Variants in CCDC6 observed in about 807,000 individuals in gnomAD.
The protein encoded by CCDC6 is coiled-coil domain containing 6.
CCDC6 carries 20 observed loss-of-function variants against 56.6 expected under a neutral mutation model. That is an observed-to-expected ratio of 0.35 (90% CI 0.25 to 0.51). CCDC6 has a LOEUF of 0.51. Ranked by LOEUF, CCDC6 falls within the 20% of genes least tolerant of loss-of-function variation. The pLI is 0.95. For missense variants in CCDC6, 367 were observed against 601.1 expected (o/e 0.61, Z 4.07); for synonymous variants, 241 against 234.4 (o/e 1.03, Z -0.26).
chr10:59,841,479 CAG>C (rs1415831429), intron 2 of CCDC6, among the ~76,000 whole-genome samples: 1 of 152,122 alleles, frequency 6.6e-6, no homozygotes, highest in East Asian at 1.9e-4. Context: ...TATGAGAAAA[CAG>C]AATTCTAATC....
At chr10:59,840,014 C>G (rs775675416) in intron 2 of CCDC6, among the ~76,000 whole-genome samples, 55 of 152,178 alleles carry the variant, frequency 3.6e-4, no homozygotes, top group South Asian at 3.1e-3. Flanking sequence ...TTAGTAGACA[C>G]GGGGTTTCAC....
At chr10:59,812,456 T>C (rs1266374628) in intron 5 of CCDC6, among the ~76,000 whole-genome samples, 179 bp downstream of exon 5, 1 of 130,354 alleles carries the variant, frequency 7.7e-6, no homozygotes, top group South Asian at 2.6e-4. Context: ...TCCCCTACTA[T>C]AACACTCAAA....
intron 6 of CCDC6, chr10:59,805,621 T>C (rs2070615082): frequency 1.3e-5 from 2 of 152,244 alleles, no homozygotes; most frequent in African/African-American, 4.8e-5. Flanking sequence ...GTATTCTAGC[T>C]GGCAGTTTTA....
At chr10:59,878,307 A>T (rs2071301778) in intron 1 of CCDC6, among the ~76,000 whole-genome samples, 3 of 152,194 alleles carry the variant, frequency 2.0e-5, no homozygotes, top group Admixed American at 6.5e-5. Flanking sequence ...TGACAGCAAA[A>T]TGTCTGCATT....
rs1235727046 is a variant in CCDC6, at chr10:59,906,301, C to T, written c.124G>A (p.Gly42Ser). The T allele has an allele frequency of 1.2e-6, 2 of 1,602,330 alleles. No homozygotes were observed. The highest frequency in any genetic ancestry group is 1.1e-5 in the South Asian group (1 of 90,966). ...GGGGGGGGGG[G>S]GGKSGGIVIS... ...ACAATGCCCCCCGACTTCCCACCGC[C>T]GCCGCCTCCCCCGCCGCCACCGCCG... The change falls in exon 1 of 9, where the codon GGC becomes AGC. Residue 42 changes from glycine to serine, a missense_variant. Transcript: ENST00000263102.
intron 1 of CCDC6, among the ~76,000 whole-genome samples, chr10:59,864,810 T>A (rs1000490746): frequency 6.6e-6 from 1 of 152,206 alleles, no homozygotes. Context: ...AGAAACAGTA[T>A]AGACCTCCTC....
At chr10:59,806,433 A>C (rs989226992) in intron 6 of CCDC6, 3 of 152,514 alleles carry the variant, frequency 2.0e-5, no homozygotes, top group Non-Finnish European at 4.4e-5. Context: ...AAGTGGCTAC[A>C]AAAAGGCTCA....
At chr10:59,799,122 CTACT>C (rs1023373161) in intron 7 of CCDC6, among the ~76,000 whole-genome samples, 1 of 150,704 alleles carries the variant, frequency 6.6e-6, no homozygotes, top group Non-Finnish European at 1.5e-5. Flanking sequence ...TGAGTACTGC[CTACT>C]TACTTAAAAA....
intron 4 of CCDC6, 30 bp downstream of exon 4, chr10:59,814,622 A>ACC (rs777875050): frequency 4.1e-4 from 537 of 1,297,822 alleles, no homozygotes; most frequent in Non-Finnish European, 5.2e-4. Flanking sequence ...ACACACACAC[A>ACC]CCCATACTGA....
At chr10:59,888,016 G>T (rs1210594150) in intron 1 of CCDC6, among the ~76,000 whole-genome samples, 2 of 152,184 alleles carry the variant, frequency 1.3e-5, no homozygotes, top group Admixed American at 1.3e-4. Context: ...CTTGCCGTGA[G>T]ACTCAAATGA....
At chr10:59,833,433 G>C (rs1169841521) in intron 2 of CCDC6, among the ~76,000 whole-genome samples, 9 of 152,038 alleles carry the variant, frequency 5.9e-5, no homozygotes, top group Non-Finnish European at 8.8e-5. Context: ...TGGACAACGA[G>C]AGCAAAACTC....
intron 3 of CCDC6, among the ~76,000 whole-genome samples, chr10:59,818,397 C>T (rs1366883288): frequency 1.3e-5 from 2 of 151,198 alleles, no homozygotes; most frequent in African/African-American, 4.9e-5. Context: ...TAATTTATTT[C>T]CATGATGCAG....
In CCDC6 at chr10:59,812,767, C is replaced by T. The variant is rs775541001; in HGVS notation, c.715G>A (p.Val239Ile). The change falls in exon 5 of 9, where the codon GTC (valine) becomes ATC (isoleucine). Residue 239 changes from valine to isoleucine, a missense_variant. By Grantham distance (29) the Val-to-Ile change is conservative. This residue lies in a region of CCDC6 where 81 missense variants were observed against 150.8 expected (regional missense o/e 0.54). Transcript: ENST00000263102. ...RILQEKLDQP[V>I]SAPPSPRDIS... ...TCTCTAGGCGATGGTGGAGCAGAGA[C>T]GGGCTGGTCTAATTTTTCCTGCAGG... is the stretch of plus-strand genomic sequence containing the variant. 70 of 1,607,780 alleles carry T rather than the reference C, an allele frequency of 4.4e-5. No homozygotes were observed. The highest frequency in any genetic ancestry group is 6.7e-5 in the African/African-American group (5 of 74,700).
At chr10:59,872,742 T>C (rs1424212512) in intron 1 of CCDC6, among the ~76,000 whole-genome samples, 1 of 133,678 alleles carries the variant, frequency 7.5e-6, no homozygotes, top group East Asian at 2.7e-4. Context: ...CCTTGATACC[T>C]GGGGCTGCAT....
In CCDC6 at chr10:59,794,569, A is replaced by G. The variant is rs2070497164; in HGVS notation, c.1134T>C (p.Gly378=). The G allele has an allele frequency of 6.2e-7, 1 of 1,614,030 alleles. No homozygotes were observed. Among genetic ancestry groups the G allele is most frequent in the African/African-American group, 1.3e-5 (1 of 75,040 alleles). Residue 378 remains glycine (G), a synonymous_variant, in exon 8 of 9, where the codon GGT becomes GGC. Coordinates refer to ENST00000263102, the MANE Select transcript of CCDC6 (RefSeq NM_005436.5). ...TAGTCAGTGAAGTTGGTGGCGTGAA[A>G]CCAACCGTGTGACTTGCATATGATA... ...PGLSYASHTV[G]FTPPTSLTRA... is the part of the protein sequence containing the mutation.
At chr10:59,887,294 T>C (rs1171818) in intron 1 of CCDC6, among the ~76,000 whole-genome samples, 99,750 of 151,944 alleles carry the variant, frequency 0.66, 33,197 homozygotes, top group East Asian at 0.86. Flanking sequence ...AAGACTGATG[T>C]AATGATTGAG....
At chr10:59,837,678 G>A (rs2132646952) in intron 2 of CCDC6, among the ~76,000 whole-genome samples, 1 of 150,226 alleles carries the variant, frequency 6.7e-6, no homozygotes, top group South Asian at 2.1e-4. Context: ...CCTGGGAAGT[G>A]GAGGTTGCAG....
intron 2 of CCDC6, among the ~76,000 whole-genome samples, chr10:59,835,811 A>G (rs539938854): frequency 3.3e-5 from 5 of 152,212 alleles, no homozygotes; most frequent in Admixed American, 2.6e-4. Context: ...TAATCCCAGC[A>G]CTTTTAGAGG....
intron 1 of CCDC6, among the ~76,000 whole-genome samples, chr10:59,901,282 C>CG (rs1292835168): frequency 6.6e-6 from 1 of 151,742 alleles, no homozygotes; most frequent in Non-Finnish European, 1.5e-5. Flanking sequence ...CTTTTCTAAA[C>CG]GGGGGGAAAA....
Sources: allele counts gnomAD v4.1 joint callset (sites outside exome capture counted in the v4.1 genomes callset), GRCh38; gene constraint gnomAD v4.1.1; regional missense constraint gnomAD v4.1.1; transcripts MANE v1.5; gene names NCBI Gene and HGNC (gene_info 2026-07-23, HGNC 2026-07-21).